ZNF385D: variants seen among roughly 807,000 people sequenced by gnomAD.
ZNF385D encodes zinc finger protein 659.
In ZNF385D, 15 loss-of-function variants were observed where a neutral mutation model predicts 35.8. That is an observed-to-expected ratio of 0.42 (90% CI 0.28 to 0.64). ZNF385D has a LOEUF of 0.64. Ranked by LOEUF, ZNF385D falls within the 30% of genes least tolerant of loss-of-function variation. The probability of loss-of-function intolerance (pLI) is 0.23; values close to 1 mark genes in which losing one functional copy is unlikely to be tolerated. For missense variants in ZNF385D, 474 were observed against 494.6 expected (o/e 0.96, Z 0.39); for synonymous variants, 212 against 186.8 (o/e 1.13, Z -1.10).
At chr3:21,805,456 A>C (rs1047452223) in intron 3 of ZNF385D, among the ~76,000 whole-genome samples, 1 of 152,232 alleles carries the variant, frequency 6.6e-6, no homozygotes, top group Non-Finnish European at 1.5e-5. Context: ...AAACAAATGC[A>C]TAAGTGAATC....
chr3:22,239,137 C>G (rs190802625), intron 2 of ZNF385D, among the ~76,000 whole-genome samples: 1 of 150,946 alleles, frequency 6.6e-6, no homozygotes, highest in Non-Finnish European at 1.5e-5. Context: ...TATGATAACA[C>G]GAAATGGTTT....
At chr3:21,741,257 G>A (rs900721709) in intron 1 of ZNF385D, among the ~76,000 whole-genome samples, 2 of 152,146 alleles carry the variant, frequency 1.3e-5, no homozygotes, top group African/African-American at 4.8e-5. Flanking sequence ...AAAACCAGAT[G>A]GGTGCCATAA....
intron 4 of ZNF385D, among the ~76,000 whole-genome samples, chr3:21,439,839 G>C (rs1365929581): frequency 6.6e-6 from 1 of 152,036 alleles, no homozygotes; most frequent in Non-Finnish European, 1.5e-5. Flanking sequence ...CAAGTTCCTT[G>C]CATGAGACAG....
At chr3:21,462,552 A>G (rs1452296231) in intron 4 of ZNF385D, among the ~76,000 whole-genome samples, 4 of 152,248 alleles carry the variant, frequency 2.6e-5, no homozygotes, top group Non-Finnish European at 5.9e-5. Flanking sequence ...AGTAATAGCA[A>G]CTTTAAGGAG....
chr3:22,262,465 TAAG>T (rs1437481071), intron 2 of ZNF385D, among the ~76,000 whole-genome samples: 4 of 151,974 alleles, frequency 2.6e-5, no homozygotes, highest in African/African-American at 9.7e-5. Context: ...TTAAAAATAT[TAAG>T]AATAAAGAGA....
At chr3:21,778,054 G>C (rs1310290346) in intron 3 of ZNF385D, among the ~76,000 whole-genome samples, 1 of 151,782 alleles carries the variant, frequency 6.6e-6, no homozygotes, top group Non-Finnish European at 1.5e-5. Flanking sequence ...TGAGTTCTAG[G>C]GTGGTTTGTT....
chr3:22,164,237 T>TTTTTTTTTTTTTTTTTTTTTTTTTTTTG, intron 3 of ZNF385D, among the ~76,000 whole-genome samples: 1 of 133,920 alleles, frequency 7.5e-6, no homozygotes, highest in African/African-American at 3.1e-5. Context: ...TTTTTTTTTT[T>TTTTTTTTTTTTTTTTTTTTTTTTTTTTG]TTTTTTTTTT....
chr3:21,691,318 T>A (rs1376008331), intron 1 of ZNF385D, among the ~76,000 whole-genome samples: 1 of 152,164 alleles, frequency 6.6e-6, no homozygotes, highest in Admixed American at 6.6e-5. Flanking sequence ...CTCTGCTACT[T>A]GGCAATTTTT....
chr3:21,894,496 G>A (rs971181870), intron 3 of ZNF385D, among the ~76,000 whole-genome samples: 10 of 151,836 alleles, frequency 6.6e-5, no homozygotes, highest in African/African-American at 2.2e-4. Context: ...TTATCTTTGT[G>A]ATGAAAACAC....
chr3:21,685,605 C>T (rs1017454798), intron 1 of ZNF385D, among the ~76,000 whole-genome samples: 3 of 152,192 alleles, frequency 2.0e-5, no homozygotes, highest in African/African-American at 7.2e-5. Flanking sequence ...AGAGCCGCTT[C>T]ACCTGATGGA....
In ZNF385D at chr3:22,123,946, C is replaced by CTT; in HGVS notation, c.325+44870_325+44871insAA. ...CATCTCTCTCTCTCTCTCTCTCTCT[C>CTT]TCTCTCTCTCTCTCTCTATATATAT... is the stretch of plus-strand genomic sequence containing the variant. On this transcript the variant is annotated intron_variant, in intron 3 of 5. Coordinates refer to the ZNF385D transcript ENST00000494108. 2.0e-5 allele frequency among the ~76,000 whole-genome samples: 2 copies of CTT among 101,152 alleles called. 1 individual carries two copies. Among genetic ancestry groups the CTT allele is most frequent in the East Asian group, 6.1e-4 (2 of 3,266 alleles). 66.4% of individuals were successfully genotyped at this position (101,152 alleles called of 152,430 possible). A position where few individuals can be genotyped will look rare whatever the true frequency, so the allele number is the denominator to read the frequency against.
chr3:22,037,458 G>A lies in ZNF385D; in HGVS notation c.325+131359C>T, dbSNP rs531443262. On this transcript the variant is annotated intron_variant, in intron 3 of 5. Transcript: ENST00000494108. ...GGTTTTGATTTGCATTTCTCTGATG[G>A]CCAGTGATGATGAGCATTTTTTCAC... Among the ~76,000 whole-genome samples the A allele has an allele frequency of 5.3e-5, 8 of 152,022 alleles. No individual in the cohort carries two copies. The East Asian group carries it at 1.6e-3, about 29-fold the overall frequency.
intron 1 of ZNF385D, among the ~76,000 whole-genome samples, chr3:21,724,517 A>AGC (rs2068677999): frequency 7.8e-6 from 1 of 128,324 alleles, no homozygotes; most frequent in Non-Finnish European, 1.6e-5. Flanking sequence ...AAAAAAAAAA[A>AGC]AGCAGGAGTT....
intron 2 of ZNF385D, among the ~76,000 whole-genome samples, chr3:21,649,206 T>C (rs747275933): frequency 2.6e-5 from 4 of 152,152 alleles, no homozygotes; most frequent in Non-Finnish European, 4.4e-5. Context: ...TAATAGCATA[T>C]ATGACATTAT....
At chr3:22,181,380 G>C (rs1036399344) in intron 2 of ZNF385D, among the ~76,000 whole-genome samples, 1 of 152,070 alleles carries the variant, frequency 6.6e-6, no homozygotes, top group East Asian at 1.9e-4. Context: ...GGTAGAACCT[G>C]TAACTAGCTT....
At chr3:21,509,776 C>T (rs1188647358) in intron 4 of ZNF385D, among the ~76,000 whole-genome samples, 2 of 152,156 alleles carry the variant, frequency 1.3e-5, no homozygotes, top group Non-Finnish European at 2.9e-5. Flanking sequence ...CAGCATGATG[C>T]ATCTACAATA....
chr3:21,555,275 G>C (rs1461299474), intron 3 of ZNF385D, among the ~76,000 whole-genome samples: 3 of 148,540 alleles, frequency 2.0e-5, no homozygotes, highest in Non-Finnish European at 4.4e-5. Context: ...GTGCAGGTTT[G>C]TTACATAGGT....
chr3:22,088,481 T>C (rs1035811075), intron 3 of ZNF385D, among the ~76,000 whole-genome samples: 2 of 152,160 alleles, frequency 1.3e-5, no homozygotes, highest in South Asian at 2.1e-4. Context: ...AAGATGTGTA[T>C]GGATGAATCT....
chr3:21,978,383 T>C (rs1362560913), intron 3 of ZNF385D: 1 of 152,258 alleles, frequency 6.6e-6, no homozygotes, highest in Non-Finnish European at 1.5e-5. Flanking sequence ...GAATATTAGA[T>C]ATGCTACGTG....
Sources: allele counts gnomAD v4.1 joint callset (sites outside exome capture counted in the v4.1 genomes callset), GRCh38; gene constraint gnomAD v4.1.1; transcripts MANE v1.5; gene names NCBI Gene and HGNC (gene_info 2026-07-23, HGNC 2026-07-21).